Variants in PSMD1 observed in about 807,000 individuals in gnomAD.
The protein encoded by PSMD1 is 26S proteasome non-ATPase regulatory subunit 1.
In PSMD1, 18 loss-of-function variants were observed where a neutral mutation model predicts 119.0. The ratio of observed to expected loss-of-function variants is 0.15; its 90% CI spans 0.10 to 0.22. The LOEUF is 0.22. PSMD1 is among the 10% of genes least tolerant of loss of function. The probability of loss-of-function intolerance (pLI) is 1.00; values close to 1 mark genes in which losing one functional copy is unlikely to be tolerated. For synonymous variants in PSMD1, 374 were observed against 396.6 expected, an observed-to-expected ratio of 0.94 and a Z score of 0.68; for missense variants, 702 against 1,158.5, an observed-to-expected ratio of 0.61 and a Z score of 5.72.
chr2:231,113,851 A>G lies in PSMD1; in HGVS notation c.1884-24885A>G, dbSNP rs556182467. On this transcript the variant is annotated intron_variant, in intron 16 of 24. Transcript: ENST00000308696. Reference sequence around the variant, plus strand: ...ATCCACTGAAATGGCACAGAGATGCATGATGGATGCGGTTGAAAAGAGAAC... The same window carrying G: ...ATCCACTGAAATGGCACAGAGATGCGTGATGGATGCGGTTGAAAAGAGAAC... 106 of 1,614,196 alleles carry G rather than the reference A, an allele frequency of 6.6e-5. 2 individuals carry two copies. In the South Asian group the frequency reaches 1.0e-3, roughly 16 times the overall value.
At chr2:231,105,327 GC>G (rs1479575444) in intron 16 of PSMD1, among the ~76,000 whole-genome samples, 2 of 152,004 alleles carry the variant, frequency 1.3e-5, no homozygotes, top group African/African-American at 4.8e-5. Flanking sequence ...TGATTGTTGG[GC>G]CCATTGTTAG....
At chr2:231,094,035 G>T (rs895187389) in intron 16 of PSMD1, among the ~76,000 whole-genome samples, 1 of 152,162 alleles carries the variant, frequency 6.6e-6, no homozygotes, top group South Asian at 2.1e-4. Flanking sequence ...TGGCATCAAT[G>T]GATACATGTA....
At chr2:231,129,657 T>C (rs1249714409) in intron 16 of PSMD1, among the ~76,000 whole-genome samples, 1 of 152,210 alleles carries the variant, frequency 6.6e-6, no homozygotes, top group Non-Finnish European at 1.5e-5. Flanking sequence ...TTATATGTAT[T>C]CACTATATAC....
At chr2:231,098,666 C>T (rs566234944) in intron 16 of PSMD1, among the ~76,000 whole-genome samples, 92 of 152,158 alleles carry the variant, frequency 6.0e-4, no homozygotes, top group Non-Finnish European at 1.1e-3. Flanking sequence ...GAGGGACCAG[C>T]GGGAGTAGAG....
chr2:231,133,392 T>G (rs1695895182), intron 16 of PSMD1: 1 of 152,216 alleles, frequency 6.6e-6, no homozygotes, highest in South Asian at 2.1e-4. Context: ...ACTTACCTAA[T>G]GAGAATTATA....
In PSMD1 at chr2:231,061,389, C is replaced by CG. The variant is rs1329273868; in HGVS notation, c.60+79_60+80insG. On this transcript the variant is annotated intron_variant, in intron 2 of 24. Coordinates refer to ENST00000308696, the MANE Select transcript of PSMD1 (RefSeq NM_002807.4). ...TGAATTTAGTGATATCTGTAATCTT[C>CG]CATCATTTAAAGTTGCTGTCCTAGC... 4.9e-6 allele frequency: 6 copies of CG among 1,223,896 alleles called. No homozygotes were observed. In the African/African-American group the frequency reaches 6.1e-5, roughly 13 times the overall value. 75.8% of individuals were successfully genotyped at this position (1,223,896 alleles called of 1,614,324 possible).
chr2:231,079,740 G>A lies in PSMD1; in HGVS notation c.1239+126G>A. ...TTTGTTAAGTCAGATAAGTCATTTT[G>A]TGGAGAAGGCTAAAGTAAATAAGAT... On this transcript the variant is annotated intron_variant, in intron 11 of 24. Coordinates refer to ENST00000308696, the MANE Select transcript of PSMD1 (RefSeq NM_002807.4). The A allele has an allele frequency of 6.9e-6, 4 of 580,270 alleles. No homozygotes were observed. The South Asian group carries it at 1.4e-4, about 20-fold the overall frequency. 35.9% of individuals were successfully genotyped at this position (580,270 alleles called of 1,614,324 possible). A position where few individuals can be genotyped will look rare whatever the true frequency, so the allele number is the denominator to read the frequency against.
At chr2:231,146,126 A>G (rs1036982549) in intron 17 of PSMD1, 114 bp from the exon 18 acceptor site, 3 of 679,654 alleles carry the variant, frequency 4.4e-6, no homozygotes, top group Non-Finnish European at 5.3e-6. Context: ...GACTACCATC[A>G]TATATGCAGT....
chr2:231,158,441 TAAAG>T lies in PSMD1; in HGVS notation c.2219-2896_2219-2893del, dbSNP rs544893497. 1.9e-3 allele frequency among the ~76,000 whole-genome samples: 285 copies of T among 152,352 alleles called. 2 individuals carry two copies. The highest frequency in any genetic ancestry group is 2.3e-3 in the Non-Finnish European group (156 of 68,032). On this transcript the variant is annotated intron_variant, in intron 19 of 24. Transcript: ENST00000308696. Reference sequence around the variant, plus strand: ...TCTCTTCCGGGAGAAAAGCCGAAGATAAAGAAGTTGATTGAAGTTTGTTAAACTG... The same window carrying T: ...TCTCTTCCGGGAGAAAAGCCGAAGATAAGTTGATTGAAGTTTGTTAAACTG...
intron 17 of PSMD1, among the ~76,000 whole-genome samples, chr2:231,145,334 A>G (rs1696228079): frequency 6.6e-6 from 1 of 152,208 alleles, no homozygotes; most frequent in East Asian, 1.9e-4. Flanking sequence ...AGTATAAAAG[A>G]TAAAAAATCA....
intron 21 of PSMD1, among the ~76,000 whole-genome samples, chr2:231,164,328 A>G (rs1391313294): frequency 3.9e-5 from 6 of 152,166 alleles, no homozygotes; most frequent in African/African-American, 1.4e-4. Context: ...GCCTTTCAAA[A>G]TGGACATAAT....
At chr2:231,137,664 T>C (rs1696006993) in intron 16 of PSMD1, among the ~76,000 whole-genome samples, 2 of 152,120 alleles carry the variant, frequency 1.3e-5, no homozygotes, top group Non-Finnish European at 2.9e-5. Context: ...TTATGCATAG[T>C]ACCCAATAGT....
At chr2:231,168,766 C>T (rs111794848) in intron 23 of PSMD1, among the ~76,000 whole-genome samples, 24 of 152,216 alleles carry the variant, frequency 1.6e-4, no homozygotes, top group African/African-American at 5.3e-4. Flanking sequence ...CTAAATTGTA[C>T]GCTTTGAGAG....
At chr2:231,061,338 C>G in intron 2 of PSMD1, 28 bp downstream of exon 2, 2 of 1,533,138 alleles carry the variant, frequency 1.3e-6, no homozygotes, top group Non-Finnish European at 9.0e-7. Context: ...AGTAACTAGG[C>G]TTAGTGTGAA....
intron 16 of PSMD1, among the ~76,000 whole-genome samples, chr2:231,128,038 C>T (rs1019069466): frequency 2.0e-5 from 3 of 152,102 alleles, no homozygotes; most frequent in Non-Finnish European, 4.4e-5. Context: ...TGTCTTTGAC[C>T]GAAAAGGGCA....
intron 16 of PSMD1, among the ~76,000 whole-genome samples, chr2:231,101,172 C>A (rs1694857495): frequency 1.3e-5 from 2 of 152,302 alleles, no homozygotes; most frequent in South Asian, 4.1e-4. Flanking sequence ...ACATTGTTCA[C>A]CCCCAAGTAG....
chr2:231,067,166 A>T, intron 5 of PSMD1, 55 bp downstream of exon 5: 1 of 1,350,908 alleles, frequency 7.4e-7, no homozygotes, highest in Non-Finnish European at 1.0e-6. Flanking sequence ...CAGCAAAGCA[A>T]GTTATTCAAA....
Position 231,083,067 on chromosome 2 carries a change from T to TA in PSMD1, c.1525+74dup, listed in dbSNP as rs1258762234. 5.8e-5 allele frequency: 65 copies of TA among 1,120,664 alleles called. No homozygotes were observed. In the East Asian group the frequency reaches 1.7e-3, roughly 29 times the overall value. The allele number at this position is 1,120,664 out of a possible 1,614,324, so 69.4% of individuals were successfully genotyped here. A position where few individuals can be genotyped will look rare whatever the true frequency, so the allele number is the denominator to read the frequency against. Reference sequence around the variant, plus strand: ...AAATGTAATTACATTAGTTTCTACCTATATTTTGTAGCCTCTTAAAATTCC... The same window carrying TA: ...AAATGTAATTACATTAGTTTCTACCTAATATTTTGTAGCCTCTTAAAATTCC... On this transcript the variant is annotated intron_variant, in intron 13 of 24. Coordinates refer to ENST00000308696, the MANE Select transcript of PSMD1 (RefSeq NM_002807.4).
In PSMD1 at chr2:231,166,120, A is replaced by T. The variant is rs1696777023; in HGVS notation, c.2715+103A>T. ...GATAAATCTCCAAAGCATTGGAGCAAGCTCACTAGTTCTAAGAAATTATTT... is the reference window on the plus strand; with the variant it reads ...GATAAATCTCCAAAGCATTGGAGCATGCTCACTAGTTCTAAGAAATTATTT... On this transcript the variant is annotated intron_variant, in intron 23 of 24. Coordinates refer to ENST00000308696, the MANE Select transcript of PSMD1 (RefSeq NM_002807.4). 3 of 1,112,932 alleles carry T rather than the reference A, an allele frequency of 2.7e-6. No individual in the cohort carries two copies. The African/African-American group carries it at 4.7e-5, about 17-fold the overall frequency. The allele number at this position is 1,112,932 out of a possible 1,614,324, so 68.9% of individuals were successfully genotyped here. A position where few individuals can be genotyped will look rare whatever the true frequency, so the allele number is the denominator to read the frequency against.
Sources: gnomAD v4.1 joint callset for allele counts (sites outside exome capture counted in the v4.1 genomes callset) on GRCh38, gnomAD v4.1.1 for gene constraint, MANE v1.5 for transcripts, NCBI Gene and HGNC (gene_info 2026-07-23, HGNC 2026-07-21) for gene names.